Variants in RYR3 observed in about 807,000 individuals in gnomAD.
The protein encoded by RYR3 is brain ryanodine receptor-calcium release channel.
In RYR3, 207 loss-of-function variants were observed where a neutral mutation model predicts 584.3. That is an observed-to-expected ratio of 0.35 (90% CI 0.32 to 0.40). The LOEUF (loss-of-function observed/expected upper bound fraction) is 0.40, where lower values mean the gene tolerates loss of function less well. Ranked by LOEUF, RYR3 falls within the 10% of genes least tolerant of loss-of-function variation. The probability of loss-of-function intolerance (pLI) is 1.00; values close to 1 mark genes in which losing one functional copy is unlikely to be tolerated. For synonymous variants in RYR3, 2,416 were observed against 2,248.5 expected (o/e 1.07, Z -2.11); for missense variants, 5,616 against 6,089.2 (o/e 0.92, Z 2.59).
chr15:33,649,582 G>C (rs1258388770), intron 31 of RYR3, among the ~76,000 whole-genome samples: 1 of 152,196 alleles, frequency 6.6e-6, no homozygotes, highest in Non-Finnish European at 1.5e-5. Flanking sequence ...GGGTGCTTGA[G>C]AGAAGTTGAT....
intron 67 of RYR3, among the ~76,000 whole-genome samples, chr15:33,798,894 A>C (rs1393668250): frequency 6.6e-6 from 1 of 152,176 alleles, no homozygotes; most frequent in Non-Finnish European, 1.5e-5. Context: ...GAGTCTCTAC[A>C]TTTCTTAGCC....
Position 33,735,090 on chromosome 15 carries a change from G to A in RYR3, c.7425-1145G>A, listed in dbSNP as rs143378794. ...CTTGATCACTTGAGCTCTAGATGTA[G>A]CAGGCAAACTGATACTTAACTAGGT... On this transcript the variant is annotated intron_variant, in intron 48 of 103. Transcript: ENST00000634891. Among the ~76,000 whole-genome samples, 3 of 152,276 alleles carry A rather than the reference G, an allele frequency of 2.0e-5. No individual in the cohort carries two copies. In the East Asian group the frequency reaches 5.8e-4, roughly 29 times the overall value.
At chr15:33,550,667 T>C (rs1056503003) in intron 10 of RYR3, among the ~76,000 whole-genome samples, 2 of 152,202 alleles carry the variant, frequency 1.3e-5, no homozygotes, top group African/African-American at 4.8e-5. Context: ...TTCACTCCTT[T>C]AAAGCAATAG....
In RYR3 at chr15:33,696,067, T is replaced by C. The variant is rs984073228; in HGVS notation, c.5861-151T>C. The stretch of plus-strand genomic sequence containing the variant: ...GCCTCAGCCTCCCAAATTGCTAGGA[T>C]TATAGGCATGAGCCACTGCACATTG... On this transcript the variant is annotated intron_variant, in intron 38 of 103. Transcript: ENST00000634891. The C allele has an allele frequency of 7.6e-6, 5 of 655,202 alleles. No homozygotes were observed. In the African/African-American group the frequency reaches 9.2e-5, roughly 12 times the overall value. 40.6% of individuals were successfully genotyped at this position (655,202 alleles called of 1,614,324 possible).
At chr15:33,466,777 C>T (rs887892187) in intron 1 of RYR3, among the ~76,000 whole-genome samples, 2 of 152,118 alleles carry the variant, frequency 1.3e-5, no homozygotes, top group East Asian at 1.9e-4. Context: ...TATAAGTAGT[C>T]GTTTTCAGAA....
intron 2 of RYR3, among the ~76,000 whole-genome samples, chr15:33,488,945 A>G (rs931102657): frequency 1.3e-5 from 2 of 152,224 alleles, no homozygotes; most frequent in African/African-American, 4.8e-5. Context: ...GGTAAAACCT[A>G]AGTCATGGTT....
chr15:33,330,238 A>G (rs574381643), intron 1 of RYR3, among the ~76,000 whole-genome samples: 1 of 152,194 alleles, frequency 6.6e-6, no homozygotes, highest in African/African-American at 2.4e-5. Flanking sequence ...TATGTGCTTC[A>G]CTGTCTTCTA....
At chr15:33,312,912 A>G (rs1349661152) in intron 1 of RYR3, among the ~76,000 whole-genome samples, 2 of 152,144 alleles carry the variant, frequency 1.3e-5, no homozygotes, top group East Asian at 3.9e-4. Context: ...TTACTATAGT[A>G]GTGGTTCTTA....
At chr15:33,810,791 C>A in intron 71 of RYR3, 142 bp downstream of exon 71, 1 of 1,133,960 alleles carries the variant, frequency 8.8e-7, no homozygotes, top group Non-Finnish European at 1.3e-6. Flanking sequence ...GCAACACGCC[C>A]TCATCTTTAA....
intron 80 of RYR3, 81 bp downstream of exon 80, chr15:33,821,683 G>A: frequency 7.2e-7 from 1 of 1,379,376 alleles, no homozygotes; most frequent in Non-Finnish European, 1.0e-6. Flanking sequence ...AAGAGGAGTT[G>A]ACTGCTACAG....
intron 44 of RYR3, among the ~76,000 whole-genome samples, 163 bp downstream of exon 44, chr15:33,723,058 A>G (rs1177050823): frequency 6.6e-6 from 1 of 152,250 alleles, no homozygotes; most frequent in East Asian, 1.9e-4. Context: ...TAACTCTCCC[A>G]GTAAGGCTAG....
chr15:33,499,922 CA>C (rs1200064018), intron 2 of RYR3, among the ~76,000 whole-genome samples: 7 of 152,144 alleles, frequency 4.6e-5, no homozygotes, highest in African/African-American at 1.4e-4. Flanking sequence ...AGAGAAGAGA[CA>C]GGGGCTCGTG....
chr15:33,527,437 G>T (rs2054486516), intron 3 of RYR3, among the ~76,000 whole-genome samples: 1 of 152,148 alleles, frequency 6.6e-6, no homozygotes, highest in South Asian at 2.1e-4. Context: ...AAAATTAGCT[G>T]GGTGTGGCAG....
rs770003087 is a variant in RYR3 at position 33,697,875 on chromosome 15, A to G, written c.6135-7A>G. The G allele has an allele frequency of 2.0e-5, 32 of 1,576,370 alleles. 1 individual carries two copies. In the South Asian group the frequency reaches 3.0e-4, roughly 15 times the overall value. ...GTGCTGAAGACTCTCTCTGATCCTT[A>G]TCCTAGAGACATAATGAACAACAAG... On this transcript the variant is annotated splice_region_variant and splice_polypyrimidine_tract_variant and intron_variant, in intron 39 of 103. Transcript: ENST00000634891.
chr15:33,806,790 G>T lies in RYR3; in HGVS notation c.10012-765G>T, dbSNP rs189089635. Among the ~76,000 whole-genome samples, 1,051 of 148,802 alleles carry T rather than the reference G, an allele frequency of 7.1e-3. 7 individuals carry two copies. Among genetic ancestry groups the T allele is most frequent in the Middle Eastern group, 0.021 (6 of 290 alleles). ...TTTTTTTAAGACAGGGTGTCCCTCT[G>T]TTGCCCAGTCTGGAGTGCACTGGTG... On this transcript the variant is annotated intron_variant, in intron 69 of 103. Coordinates refer to ENST00000634891, the MANE Select transcript of RYR3 (RefSeq NM_001036.6).
intron 39 of RYR3, 136 bp from the exon 40 acceptor site, chr15:33,697,746 G>A: frequency 3.3e-6 from 2 of 603,454 alleles, no homozygotes; most frequent in Non-Finnish European, 6.1e-6. Flanking sequence ...AGCTGAACTA[G>A]TGCTTTCTTA....
chr15:33,712,275 G>A (rs1000976527), intron 43 of RYR3, among the ~76,000 whole-genome samples: 1 of 152,136 alleles, frequency 6.6e-6, no homozygotes, highest in Non-Finnish European at 1.5e-5. Flanking sequence ...TCCAGCATTG[G>A]GGATTACAAT....
In RYR3 at chr15:33,311,939, C is replaced by G. The variant is rs1424237156; in HGVS notation, c.51+843C>G. Among the ~76,000 whole-genome samples, 1 of 152,176 alleles carries G rather than the reference C, an allele frequency of 6.6e-6. No homozygotes were observed. Among genetic ancestry groups the G allele is most frequent in the African/African-American group, 2.4e-5 (1 of 41,446 alleles). On this transcript the variant is annotated intron_variant, in intron 1 of 103. Coordinates refer to ENST00000634891, the MANE Select transcript of RYR3 (RefSeq NM_001036.6). The surrounding 1 kb of genome is among the most constrained non-coding windows in gnomAD (Gnocchi z 4.4). ...AAAGACTTTCAGGGTGGACGGCCAC[C>G]CGGAGGGGTGGGGGCATTGGGGATG...
At chr15:33,338,942 G>T (rs1006578196) in intron 1 of RYR3, among the ~76,000 whole-genome samples, 1 of 152,132 alleles carries the variant, frequency 6.6e-6, no homozygotes, top group South Asian at 2.1e-4. Flanking sequence ...AAACTATAAA[G>T]GAAAGCAAGA....
Sources: gnomAD v4.1 joint callset for allele counts (sites outside exome capture counted in the v4.1 genomes callset) on GRCh38, gnomAD v4.1.1 for gene constraint, Gnocchi (gnomAD v3.1) non-coding constraint, MANE v1.5 for transcripts, NCBI Gene and HGNC (gene_info 2026-07-23, HGNC 2026-07-21) for gene names.